The following GPHN variants were observed in gnomAD, a reference collection of about 807,000 sequenced individuals.
GPHN encodes the protein gephyrin.
Under a neutral mutation model 95.5 loss-of-function variants are expected in GPHN, and 17 were observed. The observed-to-expected ratio is 0.18, with a 90% confidence interval of 0.12 to 0.27. The LOEUF (loss-of-function observed/expected upper bound fraction) is 0.27, where lower values mean the gene tolerates loss of function less well. Among genes scored for constraint, GPHN ranks in the 10% least tolerant of loss-of-function variants. The pLI, the probability that GPHN is intolerant of heterozygous loss-of-function variation, is 1.00. For synonymous variants in GPHN, 320 were observed against 322.5 expected (o/e 0.99, Z 0.08); for missense variants, 660 against 978.1 (o/e 0.67, Z 4.34).
the GPHN span, among the ~76,000 whole-genome samples, chr14:67,422,670 G>C: frequency 6.6e-6 from 1 of 152,186 alleles, no homozygotes; most frequent in Non-Finnish European, 1.5e-5. Context: ...GGAAGAAAAT[G>C]CATATCAGTT....
intron 2 of GPHN, among the ~76,000 whole-genome samples, chr14:66,759,768 A>G (rs1274334856): frequency 2.0e-5 from 3 of 152,248 alleles, no homozygotes; most frequent in South Asian, 2.1e-4. Context: ...CATATGGTGA[A>G]GTTGTTAGCT....
chr14:67,035,650 C>T (rs1198387820), intron 10 of GPHN, among the ~76,000 whole-genome samples: 1 of 151,748 alleles, frequency 6.6e-6, no homozygotes, highest in East Asian at 1.9e-4. Flanking sequence ...CCTAGAAACA[C>T]AACCTTGGTG....
At chr14:66,812,885 T>C (rs556285672) in intron 3 of GPHN, among the ~76,000 whole-genome samples, 1 of 152,308 alleles carries the variant, frequency 6.6e-6, no homozygotes, top group East Asian at 1.9e-4. Flanking sequence ...AAAGGAAAAT[T>C]AGAAATATTC....
Position 67,144,257 on chromosome 14 carries a change from A to ACATATATATG in GPHN, c.1836+808_1836+809insCATATATATG, listed in dbSNP as rs1567400655. On this transcript the variant is annotated intron_variant, in intron 18 of 22. Coordinates refer to ENST00000478722, the MANE Select transcript of GPHN (RefSeq NM_020806.5). ...GTCTTAAAAAAAAAAAAAAATATAT[A>ACATATATATG]TATATATATATATATATATATATAT... 3.4e-5 allele frequency among the ~76,000 whole-genome samples: 3 copies of ACATATATATG among 87,094 alleles called. 1 individual carries two copies. Among genetic ancestry groups the ACATATATATG allele is most frequent in the African/African-American group, 1.8e-4 (3 of 17,074 alleles). 57.1% of individuals were successfully genotyped at this position (87,094 alleles called of 152,430 possible).
intron 1 of GPHN, among the ~76,000 whole-genome samples, chr14:66,582,588 T>C (rs1250805170): frequency 6.6e-6 from 1 of 151,756 alleles, no homozygotes; most frequent in African/African-American, 2.4e-5. Context: ...CCTGTGTCTA[T>C]GTGTTCTCAT....
intron 1 of GPHN, among the ~76,000 whole-genome samples, chr14:66,615,473 C>CTTTT (rs59401816): frequency 7.4e-6 from 1 of 135,918 alleles, no homozygotes; most frequent in Non-Finnish European, 1.6e-5. Flanking sequence ...TGGTGTTGAG[C>CTTTT]TTTTTTTTTT....
the GPHN span, among the ~76,000 whole-genome samples, chr14:67,637,738 CAT>C: frequency 1.3e-5 from 2 of 152,196 alleles, no homozygotes; most frequent in African/African-American, 2.4e-5. Flanking sequence ...AATAGTTTAA[CAT>C]AAATTTGTAA....
intron 3 of GPHN, among the ~76,000 whole-genome samples, chr14:66,785,733 C>CAAAAAAAAAAA (rs1389067552): frequency 9.4e-6 from 1 of 106,850 alleles, no homozygotes; most frequent in Non-Finnish European, 2.0e-5. Context: ...AAAAAACAAA[C>CAAAAAAAAAAA]AAAAAAAAAA....
At chr14:66,644,551 A>G (rs2064623141) in intron 1 of GPHN, among the ~76,000 whole-genome samples, 1 of 152,160 alleles carries the variant, frequency 6.6e-6, no homozygotes, top group South Asian at 2.1e-4. Context: ...GCAAATGGTT[A>G]TAACATGTCA....
intron 5 of GPHN, among the ~76,000 whole-genome samples, chr14:66,913,987 C>A (rs2065794833): frequency 6.6e-6 from 1 of 151,832 alleles, no homozygotes. Context: ...TTTTTAAACA[C>A]TTCAAAGAGA....
chr14:67,025,759 C>T (rs764692025), intron 10 of GPHN, among the ~76,000 whole-genome samples: 1 of 152,190 alleles, frequency 6.6e-6, no homozygotes, highest in South Asian at 2.1e-4. Context: ...ACCTGGGTCT[C>T]ACTGGCTATA....
intron 9 of GPHN, among the ~76,000 whole-genome samples, chr14:66,991,514 C>G (rs1465185812): frequency 6.6e-6 from 1 of 151,736 alleles, no homozygotes; most frequent in Non-Finnish European, 1.5e-5. Context: ...TAACCCAGCA[C>G]TTTGGGAAGC....
At chr14:67,533,135 G>A in the GPHN span, among the ~76,000 whole-genome samples, 20 of 152,264 alleles carry the variant, frequency 1.3e-4, no homozygotes, top group African/African-American at 4.3e-4. Context: ...AGGAGCGGGC[G>A]GGGAGCCGAG....
chr14:66,599,205 T>C (rs2062113639), intron 1 of GPHN, among the ~76,000 whole-genome samples: 1 of 152,094 alleles, frequency 6.6e-6, no homozygotes, highest in African/African-American at 2.4e-5. Context: ...TTTAAGTTTT[T>C]TCCATGGGTA....
At chr14:66,724,197 A>G (rs1197005369) in intron 2 of GPHN, among the ~76,000 whole-genome samples, 1 of 152,176 alleles carries the variant, frequency 6.6e-6, no homozygotes, top group African/African-American at 2.4e-5. Flanking sequence ...GCTACTCAAT[A>G]TGAGGACCAG....
chr14:67,235,838 T>TC, the GPHN span, among the ~76,000 whole-genome samples: 2 of 152,162 alleles, frequency 1.3e-5, no homozygotes, highest in African/African-American at 4.8e-5. Flanking sequence ...ATATTGAATA[T>TC]CCTACCCTGA....
chr14:67,713,469 T>C, the GPHN span, among the ~76,000 whole-genome samples: 1 of 149,354 alleles, frequency 6.7e-6, no homozygotes. Flanking sequence ...GACCAAATTT[T>C]GGGACATCAG....
chr14:67,274,125 A>C, the GPHN span, among the ~76,000 whole-genome samples: 1 of 152,038 alleles, frequency 6.6e-6, no homozygotes, highest in Non-Finnish European at 1.5e-5. Flanking sequence ...TCTTTGGTTT[A>C]ATTAGATCCC....
At chr14:67,222,773 G>A in the GPHN span, among the ~76,000 whole-genome samples, 1 of 151,960 alleles carries the variant, frequency 6.6e-6, no homozygotes, top group Non-Finnish European at 1.5e-5. Context: ...TCAAACCTGG[G>A]AGACAGACCA....
Sources: gnomAD v4.1 joint callset for allele counts (sites outside exome capture counted in the v4.1 genomes callset) on GRCh38, gnomAD v4.1.1 for gene constraint, MANE v1.5 for transcripts, NCBI Gene and HGNC (gene_info 2026-07-23, HGNC 2026-07-21) for gene names.